Variants in ANKRD30B observed in about 807,000 individuals in gnomAD.
ANKRD30B encodes ankyrin repeat domain 30B.
Under a neutral mutation model 202.2 loss-of-function variants are expected in ANKRD30B, and 144 were observed. The observed-to-expected ratio is 0.71, with a 90% confidence interval of 0.62 to 0.82. The LOEUF is 0.82. ANKRD30B is among the 40% of genes least tolerant of loss of function. The probability of loss-of-function intolerance (pLI) is 0.00; values close to 1 mark genes in which losing one functional copy is unlikely to be tolerated. For synonymous variants in ANKRD30B, 508 were observed against 561.3 expected (o/e 0.91, Z 1.34); for missense variants, 1,487 against 1,669.1 (o/e 0.89, Z 1.90).
At chr18:14,825,225 C>T (rs1049526368) in intron 32 of ANKRD30B, 1 of 152,086 alleles carries the variant, frequency 6.6e-6, no homozygotes, top group African/African-American at 2.4e-5. Flanking sequence ...TTTGTCTTGC[C>T]ACCTGCCGGG....
intron 15 of ANKRD30B, among the ~76,000 whole-genome samples, chr18:14,788,518 A>G (rs183888341): frequency 2.2e-3 from 333 of 152,184 alleles, no homozygotes; most frequent in Non-Finnish European, 3.5e-3. Context: ...AGCATTAGTT[A>G]TATCTCCTAA....
the ANKRD30B span, among the ~76,000 whole-genome samples, chr18:14,866,157 G>C: frequency 6.6e-6 from 1 of 152,284 alleles, no homozygotes; most frequent in African/African-American, 2.4e-5. Context: ...CCACGTGCAT[G>C]CTGAGGAGGC....
At chr18:14,806,349 G>C (rs1969513193) in intron 24 of ANKRD30B, among the ~76,000 whole-genome samples, 1 of 150,912 alleles carries the variant, frequency 6.6e-6, no homozygotes, top group African/African-American at 2.4e-5. Context: ...TTAAGTGTAT[G>C]TCCTACTTCA....
chr18:14,836,925 C>A (rs1842264562), intron 34 of ANKRD30B, among the ~76,000 whole-genome samples: 1 of 152,028 alleles, frequency 6.6e-6, no homozygotes, highest in Non-Finnish European at 1.5e-5. Flanking sequence ...CCTTTGTGCC[C>A]TTATGTATTT....
intron 9 of ANKRD30B, among the ~76,000 whole-genome samples, chr18:14,773,631 A>G (rs9748330): frequency 0.024 from 3,574 of 150,962 alleles, 156 homozygotes; most frequent in African/African-American, 0.084. Flanking sequence ...TGGAGTTTAG[A>G]TTAAAATAAT....
At chr18:14,860,392 C>T in the ANKRD30B span, among the ~76,000 whole-genome samples, 9 of 118,926 alleles carry the variant, frequency 7.6e-5, no homozygotes, top group Non-Finnish European at 8.8e-5. Flanking sequence ...AGGGGGTGGC[C>T]GGGCAGAGGC....
the ANKRD30B span, among the ~76,000 whole-genome samples, chr18:14,919,777 C>T: frequency 1.3e-5 from 2 of 152,334 alleles, no homozygotes; most frequent in East Asian, 1.9e-4. Flanking sequence ...GACTTTGATA[C>T]CCAACTTACT....
chr18:14,765,139 A>G (rs1295356468), intron 7 of ANKRD30B, among the ~76,000 whole-genome samples: 2 of 152,164 alleles, frequency 1.3e-5, no homozygotes, highest in African/African-American at 2.4e-5. Context: ...GAGATTGGCA[A>G]ACTTTTCCTG....
chr18:14,797,884 G>T (rs1256724807), intron 20 of ANKRD30B, 30 bp downstream of exon 20: 32 of 1,510,482 alleles, frequency 2.1e-5, no homozygotes, highest in South Asian at 3.8e-5. Flanking sequence ...TTTTAATCTG[G>T]AATTAAGAAT....
chr18:14,907,406 A>G, the ANKRD30B span, among the ~76,000 whole-genome samples: 1 of 152,038 alleles, frequency 6.6e-6, no homozygotes, highest in Non-Finnish European at 1.5e-5. Context: ...CCTGTGGAAT[A>G]AGAAAGTGGG....
intron 34 of ANKRD30B, among the ~76,000 whole-genome samples, chr18:14,831,923 T>C (rs911491481): frequency 6.6e-6 from 1 of 152,232 alleles, no homozygotes; most frequent in African/African-American, 2.4e-5. Flanking sequence ...GGAATCTGTC[T>C]GATAAACTTC....
the ANKRD30B span, among the ~76,000 whole-genome samples, chr18:14,930,970 G>A: frequency 6.6e-6 from 1 of 152,246 alleles, no homozygotes; most frequent in East Asian, 1.9e-4. Context: ...TGGAAATACA[G>A]ACTTGCCAGT....
At chr18:14,767,717 A>G (rs1395756661) in intron 7 of ANKRD30B, among the ~76,000 whole-genome samples, 1 of 152,258 alleles carries the variant, frequency 6.6e-6, no homozygotes, top group Non-Finnish European at 1.5e-5. Flanking sequence ...TTTGATGGGC[A>G]GATAGCATAT....
chr18:14,845,751 T>G (rs562464894), intron 39 of ANKRD30B, among the ~76,000 whole-genome samples: 102 of 152,328 alleles, frequency 6.7e-4, no homozygotes, highest in Non-Finnish European at 1.1e-3. Context: ...TTTTGGAAGC[T>G]GCACAGTTCA....
the ANKRD30B span, among the ~76,000 whole-genome samples, chr18:14,913,815 C>A: frequency 6.6e-6 from 1 of 152,288 alleles, no homozygotes; most frequent in South Asian, 2.1e-4. Context: ...TTTACTCTCC[C>A]TCTCACAGTG....
chr18:14,897,894 C>T, the ANKRD30B span, among the ~76,000 whole-genome samples: 8 of 152,136 alleles, frequency 5.3e-5, no homozygotes, highest in African/African-American at 7.2e-5. Context: ...TCTTTATTGG[C>T]GTTCTCTCTT....
chr18:14,815,855 G>A (rs1291476065), intron 30 of ANKRD30B, among the ~76,000 whole-genome samples: 1 of 152,128 alleles, frequency 6.6e-6, no homozygotes, highest in Non-Finnish European at 1.5e-5. Flanking sequence ...GTGGATCAAG[G>A]AATATTGAGA....
Position 14,778,013 on chromosome 18 carries a change from A to C in ANKRD30B, c.1358A>C (p.Tyr453Ser), listed in dbSNP as rs780299001. ...ATCTCTAAGAGTGCTGCACAGAATT[A>C]TACGTGTTTACCTGATGCTACATAT... ...KIISKSAAQN[Y>S]TCLPDATYQK... The change falls in exon 10 of 44, where the codon TAT (tyrosine) becomes TCT (serine). Residue 453 changes from tyrosine (Y) to serine (S), a missense_variant. Tyr to Ser is a moderately radical substitution (Grantham distance 144). Coordinates refer to ENST00000690538, the MANE Select transcript of ANKRD30B (RefSeq NM_001367607.2). 8.4e-6 allele frequency: 13 copies of C among 1,548,728 alleles called. No individual in the cohort carries two copies. The highest frequency in any genetic ancestry group is 2.0e-5 in the Admixed American group (1 of 50,830).
At chr18:14,828,921 A>G (rs1261391578) in intron 33 of ANKRD30B, among the ~76,000 whole-genome samples, 1 of 152,196 alleles carries the variant, frequency 6.6e-6, no homozygotes, top group Admixed American at 6.5e-5. Flanking sequence ...GAGAATATCT[A>G]CATATAGATA....
Sources: allele counts gnomAD v4.1 joint callset (sites outside exome capture counted in the v4.1 genomes callset), GRCh38; gene constraint gnomAD v4.1.1; transcripts MANE v1.5; gene names NCBI Gene and HGNC (gene_info 2026-07-23, HGNC 2026-07-21).